The following PDZRN4 variants were observed in gnomAD, a reference collection of about 807,000 sequenced individuals.
PDZRN4 encodes the protein PDZ domain-containing RING finger protein 4.
A neutral mutation model predicts 99.0 loss-of-function variants in PDZRN4; 70 were observed. The observed-to-expected ratio is 0.71, with a 90% CI of 0.58 to 0.86. The LOEUF is 0.86. Among genes scored for constraint, PDZRN4 ranks in the 40% least tolerant of loss-of-function variants. The pLI, the probability that PDZRN4 is intolerant of heterozygous loss-of-function variation, is 0.00. For missense variants in PDZRN4, 1,474 were observed against 1,331.2 expected (o/e 1.11, Z -1.67); for synonymous variants, 551 against 501.6 (o/e 1.10, Z -1.32).
At chr12:41,561,888 T>C (rs1000120652) in intron 7 of PDZRN4, among the ~76,000 whole-genome samples, 1 of 152,018 alleles carries the variant, frequency 6.6e-6, no homozygotes, top group Non-Finnish European at 1.5e-5. Context: ...ATTTTAAAAC[T>C]ACACTTAATA....
intron 5 of PDZRN4, among the ~76,000 whole-genome samples, chr12:41,516,346 A>G (rs1938400607): frequency 6.6e-6 from 1 of 152,086 alleles, no homozygotes; most frequent in South Asian, 2.1e-4. Flanking sequence ...GTGAGTCCTC[A>G]GTAGTATTTG....
At chr12:41,436,465 T>C (rs541298691) in intron 3 of PDZRN4, among the ~76,000 whole-genome samples, 3 of 152,170 alleles carry the variant, frequency 2.0e-5, no homozygotes, top group Non-Finnish European at 4.4e-5. Flanking sequence ...TAGCTATTCG[T>C]CAGTGATAAG....
chr12:41,533,107 C>G (rs1938688199), intron 5 of PDZRN4, among the ~76,000 whole-genome samples: 1 of 151,618 alleles, frequency 6.6e-6, no homozygotes, highest in Non-Finnish European at 1.5e-5. Flanking sequence ...TTCTACAATT[C>G]AGGATCATGA....
intron 3 of PDZRN4, among the ~76,000 whole-genome samples, chr12:41,430,271 C>T (rs1049521720): frequency 6.6e-6 from 1 of 152,050 alleles, no homozygotes; most frequent in Non-Finnish European, 1.5e-5. Context: ...AGATCGAGAC[C>T]ATCCTGGCCA....
At chr12:41,384,849 G>A (rs1299644533) in intron 3 of PDZRN4, among the ~76,000 whole-genome samples, 3 of 152,176 alleles carry the variant, frequency 2.0e-5, no homozygotes, top group Non-Finnish European at 4.4e-5. Context: ...AACTCCAGGG[G>A]CTTTAAGATT....
intron 3 of PDZRN4, among the ~76,000 whole-genome samples, chr12:41,380,451 C>T (rs1177630399): frequency 6.6e-6 from 1 of 151,918 alleles, no homozygotes; most frequent in African/African-American, 2.4e-5. Flanking sequence ...GACTTGATGA[C>T]TTTTTTGTGG....
chr12:41,276,628 T>C (rs1951351660), intron 3 of PDZRN4, among the ~76,000 whole-genome samples: 1 of 152,172 alleles, frequency 6.6e-6, no homozygotes, highest in Admixed American at 6.5e-5. Flanking sequence ...TTATGAGAAA[T>C]TCTTTGAATA....
intron 3 of PDZRN4, among the ~76,000 whole-genome samples, chr12:41,248,976 G>A (rs927506981): frequency 5.9e-5 from 9 of 152,172 alleles, no homozygotes; most frequent in African/African-American, 2.2e-4. Flanking sequence ...AACCATATAT[G>A]CATAGTACTT....
At chr12:41,208,275 A>C (rs1254815333) in intron 3 of PDZRN4, among the ~76,000 whole-genome samples, 2 of 151,936 alleles carry the variant, frequency 1.3e-5, no homozygotes, top group Non-Finnish European at 2.9e-5. Flanking sequence ...CAAGGGAAAT[A>C]TTTAAATCCA....
intron 1 of PDZRN4, 88 bp downstream of exon 1, chr12:41,189,191 A>T: frequency 7.8e-7 from 1 of 1,278,072 alleles, no homozygotes; most frequent in South Asian, 1.3e-5. Flanking sequence ...ATTCCTTTGG[A>T]ATTGGGCATC....
At chr12:41,488,003 T>G (rs1937809181) in intron 3 of PDZRN4, among the ~76,000 whole-genome samples, 1 of 152,220 alleles carries the variant, frequency 6.6e-6, no homozygotes, top group Admixed American at 6.6e-5. Flanking sequence ...ATGAGTCTGC[T>G]GTGTTTCTTT....
intron 3 of PDZRN4, among the ~76,000 whole-genome samples, chr12:41,264,973 G>C (rs545795680): frequency 6.6e-6 from 1 of 152,068 alleles, no homozygotes; most frequent in Non-Finnish European, 1.5e-5. Flanking sequence ...AGAAAGGAAT[G>C]AAAAACTATC....
At chr12:41,520,308 T>C (rs918071097) in intron 5 of PDZRN4, among the ~76,000 whole-genome samples, 2 of 152,132 alleles carry the variant, frequency 1.3e-5, no homozygotes, top group South Asian at 2.1e-4. Context: ...TTTCTTACTT[T>C]GGGTTCCGCC....
intron 3 of PDZRN4, among the ~76,000 whole-genome samples, chr12:41,221,929 T>C (rs1004533587): frequency 6.6e-6 from 1 of 152,142 alleles, no homozygotes; most frequent in African/African-American, 2.4e-5. Context: ...AAAAAAATAC[T>C]AGACAAGGAG....
At chr12:41,467,081 CA>C (rs1412454621) in intron 3 of PDZRN4, among the ~76,000 whole-genome samples, 2 of 152,196 alleles carry the variant, frequency 1.3e-5, no homozygotes, top group African/African-American at 2.4e-5. Context: ...TTGATGAATG[CA>C]GTCATTTGCA....
chr12:41,203,992 G>T (rs191433634), intron 3 of PDZRN4, among the ~76,000 whole-genome samples: 2 of 151,984 alleles, frequency 1.3e-5, no homozygotes, highest in Non-Finnish European at 2.9e-5. Flanking sequence ...ACTTGAGATG[G>T]GATGCTAATG....
intron 3 of PDZRN4, among the ~76,000 whole-genome samples, chr12:41,383,849 A>G (rs1952144030): frequency 6.6e-6 from 1 of 152,114 alleles, no homozygotes; most frequent in South Asian, 2.1e-4. Context: ...CTTTTCATGG[A>G]ATAGAGTAGT....
chr12:41,398,327 G>A (rs1277687885), intron 3 of PDZRN4, among the ~76,000 whole-genome samples: 1 of 152,006 alleles, frequency 6.6e-6, no homozygotes, highest in African/African-American at 2.4e-5. Flanking sequence ...GGGAAACTAT[G>A]GGATTTGCTG....
chr12:41,240,143 A>G (rs1454809514), intron 3 of PDZRN4, among the ~76,000 whole-genome samples: 1 of 149,124 alleles, frequency 6.7e-6, no homozygotes, highest in African/African-American at 2.5e-5. Flanking sequence ...TCCTTGTAAT[A>G]TTACTATTAT....
Sources: allele counts gnomAD v4.1 joint callset (sites outside exome capture counted in the v4.1 genomes callset), GRCh38; gene constraint gnomAD v4.1.1; transcripts MANE v1.5; gene names NCBI Gene and HGNC (gene_info 2026-07-23, HGNC 2026-07-21).